The following ZC3H12B variants were observed in gnomAD, a reference collection of about 807,000 sequenced individuals.
ZC3H12B encodes the protein probable ribonuclease ZC3H12B.
A neutral mutation model predicts 43.9 loss-of-function variants in ZC3H12B; 7 were observed. The observed-to-expected ratio is 0.16, with a 90% CI of 0.09 to 0.30. ZC3H12B has a LOEUF of 0.30. ZC3H12B is among the 10% of genes least tolerant of loss of function. ZC3H12B has a pLI of 1.00. For missense variants in ZC3H12B, 475 were observed against 670.2 expected, an observed-to-expected ratio of 0.71 and a Z score of 3.22; for synonymous variants, 222 against 241.7, an observed-to-expected ratio of 0.92 and a Z score of 0.76.
the ZC3H12B span, among the ~76,000 whole-genome samples, chrX:65,164,661 A>T: frequency 8.9e-6 from 1 of 112,116 alleles, no homozygotes; most frequent in Non-Finnish European, 1.9e-5. Flanking sequence ...TAAGGTTAGA[A>T]GCAAGGTGGA....
At chrX:65,212,069 A>T in the ZC3H12B span, among the ~76,000 whole-genome samples, 2 of 61,719 alleles carry the variant, frequency 3.2e-5, no homozygotes, top group African/African-American at 1.3e-4. Context: ...TGTTATGTAT[A>T]ATATATAGTA....
chrX:65,243,171 C>T, the ZC3H12B span, among the ~76,000 whole-genome samples: 1 of 111,808 alleles, frequency 8.9e-6, no homozygotes, highest in East Asian at 2.8e-4. Context: ...TGGAAACAAT[C>T]AACGAACTGA....
the ZC3H12B span, among the ~76,000 whole-genome samples, chrX:65,113,017 G>C: frequency 1.1e-4 from 12 of 111,627 alleles, no homozygotes; most frequent in Non-Finnish European, 2.3e-4. Flanking sequence ...TTGTACTTCA[G>C]GGGAGGAAGT....
At chrX:65,159,916 C>T in the ZC3H12B span, among the ~76,000 whole-genome samples, 4 of 111,166 alleles carry the variant, frequency 3.6e-5, no homozygotes, top group Admixed American at 9.6e-5. Context: ...AGATAGCTCT[C>T]ATTATTTTGA....
chrX:65,153,052 C>G, the ZC3H12B span, among the ~76,000 whole-genome samples: 1 of 111,768 alleles, frequency 8.9e-6, no homozygotes, highest in Non-Finnish European at 1.9e-5. Flanking sequence ...GAAACTGGAT[C>G]CCTTCCTTAC....
the ZC3H12B span, among the ~76,000 whole-genome samples, chrX:65,171,045 T>C: frequency 8.9e-6 from 1 of 112,164 alleles, no homozygotes; most frequent in Admixed American, 9.5e-5. Flanking sequence ...TCTCAACTTG[T>C]CAGAGTCATT....
chrX:65,215,427 C>T, the ZC3H12B span, among the ~76,000 whole-genome samples: 4 of 111,321 alleles, frequency 3.6e-5, no homozygotes, highest in Non-Finnish European at 7.5e-5. Context: ...CTTTACCTTG[C>T]ACTTTAATCT....
chrX:65,325,942 G>A, the ZC3H12B span, among the ~76,000 whole-genome samples: 2 of 111,513 alleles, frequency 1.8e-5, no homozygotes, highest in African/African-American at 6.5e-5. Context: ...TTTCGAGTAT[G>A]TACAATGAGA....
the ZC3H12B span, among the ~76,000 whole-genome samples, chrX:65,214,245 CAATT>C: frequency 9.0e-6 from 1 of 110,980 alleles, no homozygotes; most frequent in Non-Finnish European, 1.9e-5. Flanking sequence ...AATAAAACAA[CAATT>C]AAATTTGCCA....
the ZC3H12B span, among the ~76,000 whole-genome samples, chrX:65,243,849 A>G: frequency 9.8e-5 from 11 of 111,922 alleles, no homozygotes; most frequent in African/African-American, 3.6e-4. Flanking sequence ...AGGACATTAT[A>G]TTAAACAAAG....
the ZC3H12B span, among the ~76,000 whole-genome samples, chrX:65,036,631 A>G: frequency 9.0e-6 from 1 of 111,539 alleles, no homozygotes; most frequent in Admixed American, 9.5e-5. Context: ...ACCACTGCAA[A>G]ATAACCTCAG....
At chrX:65,438,143 A>C (rs2148120917) in intron 3 of ZC3H12B, among the ~76,000 whole-genome samples, 1 of 112,105 alleles carries the variant, frequency 8.9e-6, no homozygotes, top group South Asian at 3.7e-4. Context: ...TATATTTTGA[A>C]GTCAGGCAAT....
chrX:65,206,935 G>A, the ZC3H12B span, among the ~76,000 whole-genome samples: 3 of 109,755 alleles, frequency 2.7e-5, no homozygotes, highest in African/African-American at 6.6e-5. Context: ...TCAGGGAAAT[G>A]CAAATCAAAA....
At chrX:65,447,221 C>A (rs1025248725) in intron 3 of ZC3H12B, among the ~76,000 whole-genome samples, 10 of 111,513 alleles carry the variant, frequency 9.0e-5, no homozygotes, top group East Asian at 8.3e-4. Context: ...TTTTTCTTTT[C>A]TTTTTCCTTT....
the ZC3H12B span, among the ~76,000 whole-genome samples, chrX:65,103,236 C>A: frequency 3.6e-5 from 4 of 111,580 alleles, no homozygotes; most frequent in African/African-American, 1.3e-4. Flanking sequence ...GGAAAGCATT[C>A]TCTTTCTCAG....
intron 3 of ZC3H12B, among the ~76,000 whole-genome samples, chrX:65,407,720 G>C (rs1317881212): frequency 8.8e-6 from 1 of 113,670 alleles, no homozygotes; most frequent in Admixed American, 9.2e-5. Context: ...AGGGGAGTGC[G>C]GTCGGAGTCA....
At chrX:65,065,913 C>T in the ZC3H12B span, among the ~76,000 whole-genome samples, 1 of 105,503 alleles carries the variant, frequency 9.5e-6, no homozygotes, top group African/African-American at 3.5e-5. Flanking sequence ...CTCTGATATC[C>T]CTTCTTCTGC....
the ZC3H12B span, among the ~76,000 whole-genome samples, chrX:65,058,877 G>C: frequency 1.8e-5 from 2 of 112,346 alleles, no homozygotes; most frequent in Non-Finnish European, 3.8e-5. Flanking sequence ...CTCCGAGCCA[G>C]GCGCGGGATA....
chrX:65,121,729 TA>T, the ZC3H12B span, among the ~76,000 whole-genome samples: 1 of 111,754 alleles, frequency 8.9e-6, no homozygotes, highest in East Asian at 2.8e-4. Flanking sequence ...CTAGTTCTTT[TA>T]ATTGTGATGT....
Sources: allele counts gnomAD v4.1 joint callset (sites outside exome capture counted in the v4.1 genomes callset), GRCh38; gene constraint gnomAD v4.1.1; transcripts MANE v1.5; gene names NCBI Gene and HGNC (gene_info 2026-07-23, HGNC 2026-07-21).